Variants in SIPA1L3 observed in about 807,000 individuals in gnomAD.
SIPA1L3 encodes the protein signal-induced proliferation-associated 1-like protein 3.
A neutral mutation model predicts 150.1 loss-of-function variants in SIPA1L3; 59 were observed. That is an observed-to-expected ratio of 0.39 (90% CI 0.32 to 0.49). SIPA1L3 has a LOEUF of 0.49. Among genes scored for constraint, SIPA1L3 ranks in the 20% least tolerant of loss-of-function variants. SIPA1L3 has a pLI of 0.86. For missense variants in SIPA1L3, 2,211 were observed against 2,489.5 expected (o/e 0.89, Z 2.38); for synonymous variants, 1,070 against 1,077.6 (o/e 0.99, Z 0.14).
Position 38,141,336 on chromosome 19 carries a change from C to T in SIPA1L3, c.3296C>T (p.Ala1099Val). Residue 1099 changes from alanine (A) to valine (V), a missense_variant, in exon 11 of 22, where the codon GCC becomes GTC. Coordinates refer to ENST00000222345, the MANE Select transcript of SIPA1L3 (RefSeq NM_015073.3). Reference protein sequence around the residue: ...SHNSLPASKWATPTTPGHAQS... With the variant: ...SHNSLPASKWVTPTTPGHAQS... ...AACTCTCTACCAGCCTCCAAGTGGG[C>T]CACTCCAACCACTCCCGGCCATGCC... 6.2e-7 allele frequency: 1 copy of T among 1,614,022 alleles called. No homozygotes were observed. The highest frequency in any genetic ancestry group is 8.5e-7 in the Non-Finnish European group (1 of 1,179,996).
chr19:38,156,131 G>C (rs571481649), intron 13 of SIPA1L3, among the ~76,000 whole-genome samples: 2 of 152,066 alleles, frequency 1.3e-5, no homozygotes, highest in Admixed American at 1.3e-4. Context: ...GAAGCAGGTC[G>C]AACTGCTGGG....
At chr19:38,071,502 TG>T (rs1187836572) in intron 2 of SIPA1L3, among the ~76,000 whole-genome samples, 1 of 152,216 alleles carries the variant, frequency 6.6e-6, no homozygotes, top group Non-Finnish European at 1.5e-5. Context: ...TTGGCCAGGC[TG>T]ATCTCGAACC....
intron 1 of SIPA1L3, among the ~76,000 whole-genome samples, chr19:37,967,898 A>G (rs2145586326): frequency 6.6e-6 from 1 of 152,156 alleles, no homozygotes; most frequent in East Asian, 1.9e-4. Flanking sequence ...AGCTCAAGCG[A>G]TCCACCCGCC....
intron 4 of SIPA1L3, among the ~76,000 whole-genome samples, chr19:38,098,611 T>G (rs1970432784): frequency 6.6e-6 from 1 of 152,088 alleles, no homozygotes; most frequent in Admixed American, 6.6e-5. Flanking sequence ...GCCAGGCTGG[T>G]CTCAAACTCC....
chr19:38,186,476 C>T (rs898567738), intron 16 of SIPA1L3, among the ~76,000 whole-genome samples: 3 of 133,198 alleles, frequency 2.3e-5, no homozygotes, highest in Non-Finnish European at 5.1e-5. Flanking sequence ...CCATGTCTGG[C>T]TAATTTTTGT....
At chr19:38,068,171 C>T (rs369661957) in intron 2 of SIPA1L3, among the ~76,000 whole-genome samples, 195 of 152,080 alleles carry the variant, frequency 1.3e-3, no homozygotes, top group South Asian at 0.012. Flanking sequence ...TACAGGCGAC[C>T]GCCACCATGC....
chr19:38,050,415 C>T (rs1055911517), intron 2 of SIPA1L3, among the ~76,000 whole-genome samples: 7 of 151,088 alleles, frequency 4.6e-5, no homozygotes, highest in Non-Finnish European at 1.0e-4. Context: ...AAGATCACAC[C>T]ACTGCACTCC....
intron 20 of SIPA1L3, 131 bp downstream of exon 20, chr19:38,202,128 A>G (rs1973101086): frequency 2.5e-6 from 2 of 796,158 alleles, no homozygotes; most frequent in African/African-American, 1.7e-5. Flanking sequence ...TATAGCAGCT[A>G]CTCCCCCCTC....
At chr19:37,984,397 A>G (rs1967289938) in intron 1 of SIPA1L3, among the ~76,000 whole-genome samples, 3 of 152,172 alleles carry the variant, frequency 2.0e-5, no homozygotes, top group African/African-American at 7.2e-5. Context: ...ACTAATGCTA[A>G]AAATGTGCCA....
intron 1 of SIPA1L3, among the ~76,000 whole-genome samples, chr19:37,941,631 C>A (rs1276029625): frequency 6.6e-6 from 1 of 152,070 alleles, no homozygotes; most frequent in Non-Finnish European, 1.5e-5. Flanking sequence ...TACCTTTGAC[C>A]GGGTGGGGCC....
chr19:38,109,583 GGATCTGA>G (rs2145874969), intron 7 of SIPA1L3: 1 of 152,570 alleles, frequency 6.6e-6, no homozygotes, highest in African/African-American at 2.4e-5. Context: ...CAGTGACCTG[GGATCTGA>G]CTCTGCCATT....
intron 1 of SIPA1L3, among the ~76,000 whole-genome samples, chr19:37,911,015 C>T (rs909338366): frequency 1.9e-4 from 29 of 152,228 alleles, no homozygotes; most frequent in Admixed American, 8.5e-4. Flanking sequence ...CTTGTTGTAA[C>T]GTGTCAAACA....
At chr19:38,035,324 G>C (rs575176429) in intron 2 of SIPA1L3, among the ~76,000 whole-genome samples, 2 of 152,294 alleles carry the variant, frequency 1.3e-5, no homozygotes, top group South Asian at 4.1e-4. Flanking sequence ...CCATGTTCCT[G>C]CTCCTCTTGC....
At chr19:37,949,848 G>A (rs1208153453) in intron 1 of SIPA1L3, among the ~76,000 whole-genome samples, 4 of 152,118 alleles carry the variant, frequency 2.6e-5, no homozygotes, top group African/African-American at 9.7e-5. Flanking sequence ...GGAGGCCAAG[G>A]CAGGCGGATC....
chr19:38,187,423 GC>G (rs1210469854), intron 16 of SIPA1L3, among the ~76,000 whole-genome samples: 1 of 151,664 alleles, frequency 6.6e-6, no homozygotes, highest in Non-Finnish European at 1.5e-5. Flanking sequence ...CTGCACTACA[GC>G]CTGGGCAACA....
At chr19:38,134,703 T>C (rs1971393561) in intron 10 of SIPA1L3, among the ~76,000 whole-genome samples, 1 of 95,382 alleles carries the variant, frequency 1.0e-5, no homozygotes, top group Admixed American at 1.3e-4. Context: ...AGACTCTGTT[T>C]CAGGAAAAAA....
At chr19:38,006,320 C>A (rs1967937557) in intron 1 of SIPA1L3, among the ~76,000 whole-genome samples, 1 of 152,132 alleles carries the variant, frequency 6.6e-6, no homozygotes, top group Non-Finnish European at 1.5e-5. Flanking sequence ...GTAGAAGGTG[C>A]AAGAAGCAGA....
intron 21 of SIPA1L3, among the ~76,000 whole-genome samples, chr19:38,204,451 T>C (rs1022908551): frequency 1.3e-5 from 2 of 152,152 alleles, no homozygotes; most frequent in Non-Finnish European, 2.9e-5. Context: ...GGCAATTGGA[T>C]AACATTTATC....
chr19:38,133,415 C>G (rs541654890), intron 10 of SIPA1L3, among the ~76,000 whole-genome samples: 3 of 152,186 alleles, frequency 2.0e-5, no homozygotes, highest in Non-Finnish European at 4.4e-5. Context: ...TTTAGTTACC[C>G]TGAGGTATAA....
Sources: allele counts gnomAD v4.1 joint callset (sites outside exome capture counted in the v4.1 genomes callset), GRCh38; gene constraint gnomAD v4.1.1; transcripts MANE v1.5; gene names NCBI Gene and HGNC (gene_info 2026-07-23, HGNC 2026-07-21).